The following GRM7 variants were observed in gnomAD, a reference collection of about 807,000 sequenced individuals.
The protein encoded by GRM7 is glutamate metabotropic receptor 7.
Under a neutral mutation model 84.5 loss-of-function variants are expected in GRM7, and 35 were observed. The observed-to-expected ratio is 0.41, with a 90% CI of 0.32 to 0.55. The LOEUF (loss-of-function observed/expected upper bound fraction) is 0.55. GRM7 is among the 20% of genes least tolerant of loss of function. The probability of loss-of-function intolerance (pLI) is 0.19; values close to 1 mark genes in which losing one functional copy is unlikely to be tolerated. For synonymous variants in GRM7, 487 were observed against 455.1 expected (o/e 1.07, Z -0.89); for missense variants, 1,003 against 1,194.6 (o/e 0.84, Z 2.36).
At chr3:7,472,955 TATCTCA>T in intron 7 of GRM7, among the ~76,000 whole-genome samples, 1 of 152,224 alleles carries the variant, frequency 6.6e-6, no homozygotes, top group South Asian at 2.1e-4. Flanking sequence ...CCTCAAAAAG[TATCTCA>T]AAAAGGTAAA....
intron 5 of GRM7, among the ~76,000 whole-genome samples, chr3:7,419,023 C>T (rs547680162): frequency 6.6e-6 from 1 of 152,210 alleles, no homozygotes; most frequent in South Asian, 2.1e-4. Context: ...TCGTAGCTAA[C>T]AATGGAAATT....
intron 3 of GRM7, among the ~76,000 whole-genome samples, chr3:7,305,980 A>G (rs772414890): frequency 3.3e-5 from 5 of 152,196 alleles, no homozygotes; most frequent in Non-Finnish European, 5.9e-5. Context: ...AATACTTTCA[A>G]TCATACACAA....
At chr3:7,198,260 A>G (rs1345586796) in intron 2 of GRM7, among the ~76,000 whole-genome samples, 2 of 152,160 alleles carry the variant, frequency 1.3e-5, no homozygotes, top group Non-Finnish European at 1.5e-5. Context: ...TCCAGACATC[A>G]TGGTGTGCAA....
chr3:7,693,473 G>A (rs1016894412), intron 9 of GRM7, among the ~76,000 whole-genome samples: 3 of 151,992 alleles, frequency 2.0e-5, no homozygotes, highest in Non-Finnish European at 1.5e-5. Context: ...ATTTGATTAA[G>A]CTGGCCTCCT....
At chr3:7,253,312 T>G (rs1215696774) in intron 2 of GRM7, among the ~76,000 whole-genome samples, 1 of 152,152 alleles carries the variant, frequency 6.6e-6, no homozygotes, top group African/African-American at 2.4e-5. Context: ...TTTCCAGACA[T>G]TATTCTAAGC....
At chr3:6,940,342 G>A (rs780061962) in intron 1 of GRM7, among the ~76,000 whole-genome samples, 4 of 152,044 alleles carry the variant, frequency 2.6e-5, no homozygotes, top group Non-Finnish European at 4.4e-5. Context: ...TGCCCATCTC[G>A]GCCTCCGAAA....
intron 1 of GRM7, among the ~76,000 whole-genome samples, chr3:7,085,397 G>A (rs987012181): frequency 2.6e-5 from 4 of 152,050 alleles, no homozygotes; most frequent in Non-Finnish European, 4.4e-5. Context: ...TTTATAATGG[G>A]ATAAGTAGTT....
In GRM7 at chr3:7,198,028, T is replaced by C. The variant is rs1273831619; in HGVS notation, c.736+51360T>C. ...TATCAGATTGTGGAGGCTGTGCATT[T>C]AGGTTTTGTTTTGGAAGTAGTGGAG... On this transcript the variant is annotated intron_variant, in intron 2 of 9. Coordinates refer to ENST00000357716, the MANE Select transcript of GRM7 (RefSeq NM_000844.4). Among the ~76,000 whole-genome samples, 4 of 152,016 alleles carry C rather than the reference T, an allele frequency of 2.6e-5. No homozygotes were observed. In the South Asian group the frequency reaches 8.3e-4, roughly 32 times the overall value.
At chr3:7,385,332 G>A (rs1029239513) in intron 4 of GRM7, among the ~76,000 whole-genome samples, 3 of 113,698 alleles carry the variant, frequency 2.6e-5, no homozygotes, top group East Asian at 2.9e-4. Flanking sequence ...ACAGAGTCTC[G>A]CTCTGTCGCA....
chr3:7,262,975 G>A (rs1698493024), intron 2 of GRM7, among the ~76,000 whole-genome samples: 1 of 152,270 alleles, frequency 6.6e-6, no homozygotes, highest in Admixed American at 6.5e-5. Context: ...AGAATTACAG[G>A]CGTGAGCCAC....
chr3:7,446,426 TTTG>T (rs934710664), intron 5 of GRM7, among the ~76,000 whole-genome samples: 7 of 151,858 alleles, frequency 4.6e-5, no homozygotes, highest in East Asian at 1.9e-4. Flanking sequence ...GAAACACGAT[TTTG>T]TTGTTGTTGT....
At chr3:7,009,217 C>T (rs1237896186) in intron 1 of GRM7, among the ~76,000 whole-genome samples, 2 of 152,174 alleles carry the variant, frequency 1.3e-5, no homozygotes, top group Non-Finnish European at 2.9e-5. Flanking sequence ...AGTAAGTTTT[C>T]ATATCACAGT....
At chr3:7,101,981 T>C (rs6764596) in intron 1 of GRM7, among the ~76,000 whole-genome samples, 71,457 of 150,986 alleles carry the variant, frequency 0.47, 18,208 homozygotes, top group African/African-American at 0.68. Context: ...ATTTAATTTA[T>C]TCCTGTCCTT....
chr3:6,952,478 T>C (rs1692826826), intron 1 of GRM7, among the ~76,000 whole-genome samples: 1 of 152,224 alleles, frequency 6.6e-6, no homozygotes, highest in Admixed American at 6.5e-5. Context: ...GTCCTATTAA[T>C]TCTGGCTGCA....
chr3:7,094,027 C>A (rs1698768019), intron 1 of GRM7, among the ~76,000 whole-genome samples: 1 of 152,096 alleles, frequency 6.6e-6, no homozygotes, highest in African/African-American at 2.4e-5. Context: ...TAATTACTCT[C>A]TTTTACTGAT....
chr3:7,086,711 A>G lies in GRM7; in HGVS notation c.520-59741A>G, dbSNP rs1698470406. ...AGTTGGAAGAGCAGAAAGCAGCAAG[A>G]CTTTAGCATGTGTTCATGAAATAAA... is the stretch of plus-strand genomic sequence containing the variant. On this transcript the variant is annotated intron_variant, in intron 1 of 9. Transcript: ENST00000357716. Among the ~76,000 whole-genome samples, 3 of 152,292 alleles carry G rather than the reference A, an allele frequency of 2.0e-5. No homozygotes were observed. The South Asian group carries it at 6.2e-4, about 32-fold the overall frequency.
intron 2 of GRM7, among the ~76,000 whole-genome samples, chr3:7,260,195 G>A (rs1383545206): frequency 6.6e-6 from 1 of 151,396 alleles, no homozygotes; most frequent in East Asian, 1.9e-4. Context: ...TTAGACCTTT[G>A]TCAGGTGCAT....
chr3:7,721,408 C>T (rs892048723), intron 9 of GRM7, among the ~76,000 whole-genome samples: 3 of 152,144 alleles, frequency 2.0e-5, no homozygotes, highest in African/African-American at 7.2e-5. Flanking sequence ...GCCATATGGG[C>T]TCAATGTGTA....
chr3:7,439,168 C>T (rs1697183127), intron 5 of GRM7, among the ~76,000 whole-genome samples: 1 of 152,138 alleles, frequency 6.6e-6, no homozygotes, highest in Non-Finnish European at 1.5e-5. Flanking sequence ...CCATAGGTCT[C>T]TCATGTTTCT....
Sources: allele counts gnomAD v4.1 joint callset (sites outside exome capture counted in the v4.1 genomes callset), GRCh38; gene constraint gnomAD v4.1.1; transcripts MANE v1.5; gene names NCBI Gene and HGNC (gene_info 2026-07-23, HGNC 2026-07-21).